The following TXNDC5 variants were observed in gnomAD, a reference collection of about 807,000 sequenced individuals.
The protein encoded by TXNDC5 is thioredoxin domain-containing protein 5.
Under a neutral mutation model 52.6 loss-of-function variants are expected in TXNDC5, and 44 were observed. The ratio of observed to expected loss-of-function variants is 0.84; its 90% confidence interval spans 0.66 to 1.08. TXNDC5 has a LOEUF of 1.08. Among genes scored for constraint, TXNDC5 ranks in the 50% least tolerant of loss-of-function variants. TXNDC5 has a pLI of 0.00. For synonymous variants in TXNDC5, 241 were observed against 234.4 expected, an observed-to-expected ratio of 1.03 and a Z score of -0.26; for missense variants, 600 against 565.5, an observed-to-expected ratio of 1.06 and a Z score of -0.62.
Position 7,897,191 on chromosome 6 carries a change from A to G in TXNDC5, c.520-1989T>C, listed in dbSNP as rs554769557. Among the ~76,000 whole-genome samples the G allele has an allele frequency of 8.9e-4, 135 of 152,338 alleles. 1 individual carries two copies. The highest frequency in any genetic ancestry group is 3.1e-3 in the African/African-American group (127 of 41,578). On this transcript the variant is annotated intron_variant, in intron 3 of 9. Transcript: ENST00000379757. ...ACATAAAGACCACATAAATATATAAAATCATTAATGAGATGAAACATGTTT... is the reference window on the plus strand; with the variant it reads ...ACATAAAGACCACATAAATATATAAGATCATTAATGAGATGAAACATGTTT...
intron 1 of TXNDC5, chr6:7,910,111 T>C: frequency 2.0e-6 from 2 of 986,342 alleles, no homozygotes; most frequent in Non-Finnish European, 2.4e-6. Context: ...TTTTCCCGGC[T>C]GTCCCCTAGG....
At position 7,889,560 on chromosome 6, in the gene TXNDC5, C is replaced by T. The variant is rs749786884; in HGVS notation, c.754G>A (p.Glu252Lys). ...CGAACCTGGTTTCCGGAGCAGAGTTCATAGTGCTGTGTACAATCAACCTGA... is the reference window on the plus strand; with the variant it reads ...CGAACCTGGTTTCCGGAGCAGAGTTTATAGTGCTGTGTACAATCAACCTGA... ...IGKVDCTQHY[E>K]LCSGNQVRGY... Residue 252 changes from glutamate to lysine, a missense_variant, in exon 6 of 10, where the codon GAA becomes AAA. By Grantham distance (56) the Glu-to-Lys change is moderately conservative. Coordinates refer to ENST00000379757, the MANE Select transcript of TXNDC5 (RefSeq NM_030810.5). 6.2e-7 allele frequency: 1 copy of T among 1,613,512 alleles called. No individual in the cohort carries two copies. Among genetic ancestry groups the T allele is most frequent in the South Asian group, 1.1e-5 (1 of 91,046 alleles).
rs755121853 is a variant in TXNDC5 at position 7,888,861 on chromosome 6, C to T, written c.820-13G>A. The T allele has an allele frequency of 1.3e-5, 20 of 1,595,442 alleles. No homozygotes were observed. The highest frequency in any genetic ancestry group is 3.4e-5 in the South Asian group (3 of 87,972). ...TGTACTGATCCACCTGGCCAAGACA[C>T]GGGCACGCGGCTGAGTGAGTCCACT... is the stretch of plus-strand genomic sequence containing the variant. On this transcript the variant is annotated splice_polypyrimidine_tract_variant and intron_variant, in intron 6 of 9. Coordinates refer to ENST00000379757, the MANE Select transcript of TXNDC5 (RefSeq NM_030810.5).
intron 1 of TXNDC5, among the ~76,000 whole-genome samples, chr6:7,906,030 AG>A (rs1760716997): frequency 6.6e-6 from 1 of 151,886 alleles, no homozygotes; most frequent in Non-Finnish European, 1.5e-5. Context: ...GCTTGAGCCC[AG>A]GGGTTCAAGA....
Position 7,888,841 on chromosome 6 carries a change from T to C in TXNDC5, c.827A>G (p.Gln276Arg), listed in dbSNP as rs1483152144. ...CTCCAAATCCCGCTTTCCCTTGTAC[T>C]GATCCACCTGGCCAAGACACGGGCA... ...LWFRDGKKVD[Q>R]YKGKRDLESL... is the part of the protein sequence containing the mutation. The change falls in exon 7 of 10, where the codon CAG becomes CGG. Residue 276 changes from glutamine to arginine, a missense_variant. Transcript: ENST00000379757. The C allele has an allele frequency of 1.2e-6, 2 of 1,607,072 alleles. No homozygotes were observed. The highest frequency in any genetic ancestry group is 1.7e-6 in the Non-Finnish European group (2 of 1,176,286).
At chr6:7,883,945 A>C (rs1351686234) in intron 9 of TXNDC5, among the ~76,000 whole-genome samples, 2 of 151,602 alleles carry the variant, frequency 1.3e-5, no homozygotes, top group Non-Finnish European at 2.9e-5. Context: ...TTATGTTGAA[A>C]TGATTCTTAG....
intron 2 of TXNDC5, among the ~76,000 whole-genome samples, chr6:7,902,022 C>G (rs939938331): frequency 2.0e-5 from 3 of 152,038 alleles, no homozygotes; most frequent in Admixed American, 6.6e-5. Flanking sequence ...GGTTTGGACA[C>G]AGAGAGACAC....
chr6:7,883,931 G>A (rs564139966), intron 9 of TXNDC5, among the ~76,000 whole-genome samples: 41 of 152,212 alleles, frequency 2.7e-4, no homozygotes, highest in African/African-American at 9.9e-4. Context: ...TTTCAGAAAG[G>A]AGGTTATGTT....
Position 7,883,226 on chromosome 6 carries a change from T to A in TXNDC5, c.1217A>T (p.Lys406Met). Residue 406 changes from lysine (K) to methionine (M), a missense_variant, in exon 10 of 10, where the codon AAG becomes ATG. Coordinates refer to ENST00000379757, the MANE Select transcript of TXNDC5 (RefSeq NM_030810.5). ...GCCTCCACTGTGCTCACTGACTTTC[T>A]TCCCTCCTCGGAAAAGCAATAACGT... Reference protein sequence around the residue: ...YPTLLLFRGGKKVSEHSGGRD... With the variant: ...YPTLLLFRGGMKVSEHSGGRD... 1 of 1,614,198 alleles carries A rather than the reference T, an allele frequency of 6.2e-7. No homozygotes were observed. The highest frequency in any genetic ancestry group is 1.1e-5 in the South Asian group (1 of 91,086).
intron 4 of TXNDC5, among the ~76,000 whole-genome samples, chr6:7,893,060 A>G (rs754517140): frequency 1.3e-5 from 2 of 152,258 alleles, no homozygotes; most frequent in Admixed American, 6.5e-5. Context: ...TCATAAAAAA[A>G]AGTTTAAAAA....
chr6:7,891,509 GAATT>G (rs1760188928), intron 5 of TXNDC5, 108 bp downstream of exon 5: 2 of 752,924 alleles, frequency 2.7e-6, no homozygotes, highest in East Asian at 5.7e-5. Flanking sequence ...ACACTAAATG[GAATT>G]AATAAATCAA....
intron 4 of TXNDC5, 49 bp from the exon 5 acceptor site, chr6:7,891,785 T>C: frequency 7.5e-7 from 1 of 1,338,152 alleles, no homozygotes; most frequent in Non-Finnish European, 1.1e-6. Context: ...AACTGTAATT[T>C]ATGTCAGACC....
At chr6:7,901,055 A>T (rs1160352272) in intron 2 of TXNDC5, among the ~76,000 whole-genome samples, 2 of 152,204 alleles carry the variant, frequency 1.3e-5, no homozygotes. Context: ...CTAAGATGGT[A>T]TGATGGGGCA....
Position 7,884,420 on chromosome 6 carries a change from G to GCCAGACCA in TXNDC5, c.1107_1114dup (p.Ala372ValfsTer11). 1.9e-6 allele frequency: 3 copies of GCCAGACCA among 1,614,030 alleles called. No individual in the cohort carries two copies. The highest frequency in any genetic ancestry group is 2.5e-6 in the Non-Finnish European group (3 of 1,179,986). On this transcript the variant is annotated frameshift_variant, in exon 9 of 10. Transcript: ENST00000379757. LOFTEE classifies it high-confidence loss of function. ...GTCTACTTCGGCGATCTTGACCCCCGCCAGACCAGGGAATTCCTTTTTAGA... is the reference window on the plus strand; with the variant it reads ...GTCTACTTCGGCGATCTTGACCCCCGCCAGACCACCAGACCAGGGAATTCCTTTTTAGA...
chr6:7,894,796 G>A (rs1345660397), intron 4 of TXNDC5: 16 of 985,308 alleles, frequency 1.6e-5, no homozygotes, highest in Non-Finnish European at 1.9e-5. Flanking sequence ...GTGCAATAAA[G>A]TAAAGAGCAA....
At chr6:7,909,847 G>C in intron 1 of TXNDC5, 1 of 986,062 alleles carries the variant, frequency 1.0e-6, no homozygotes, top group African/African-American at 1.7e-5. Context: ...AAAGCCTCTG[G>C]AAGGGGACGT....
intron 4 of TXNDC5, among the ~76,000 whole-genome samples, chr6:7,891,963 T>A (rs1378446323): frequency 2.0e-5 from 3 of 152,312 alleles, no homozygotes; most frequent in African/African-American, 7.2e-5. Flanking sequence ...CAATCAGCAA[T>A]CAACTCATTA....
intron 3 of TXNDC5, among the ~76,000 whole-genome samples, 184 bp downstream of exon 3, chr6:7,899,392 G>C (rs1034072904): frequency 5.9e-5 from 9 of 152,192 alleles, no homozygotes; most frequent in Non-Finnish European, 1.2e-4. Context: ...ACACCAAAAA[G>C]TTTCTGTAAA....
intron 8 of TXNDC5, 77 bp from the exon 9 acceptor site, chr6:7,884,565 C>T (rs1561804900): frequency 1.3e-6 from 2 of 1,598,408 alleles, no homozygotes; most frequent in Non-Finnish European, 1.7e-6. Flanking sequence ...CCAAGACAAG[C>T]TCTGTTTCTT....
Sources: allele counts gnomAD v4.1 joint callset (sites outside exome capture counted in the v4.1 genomes callset), GRCh38; gene constraint gnomAD v4.1.1; transcripts MANE v1.5; gene names NCBI Gene and HGNC (gene_info 2026-07-23, HGNC 2026-07-21).